The following GOLGA8S variants were observed in gnomAD, a reference collection of about 807,000 sequenced individuals.
The protein encoded by GOLGA8S is golgin subfamily A member 8S.
In GOLGA8S, 23 loss-of-function variants were observed where a neutral mutation model predicts 58.9. The observed-to-expected ratio is 0.39, with a 90% CI of 0.28 to 0.55. GOLGA8S has a LOEUF of 0.55. GOLGA8S is among the 20% of genes least tolerant of loss of function. The pLI is 0.63. For synonymous variants in GOLGA8S, 84 were observed against 195.7 expected (o/e 0.43, Z 4.76); for missense variants, 266 against 514.2 (o/e 0.52, Z 4.67).
intron 4 of GOLGA8S, among the ~76,000 whole-genome samples, chr15:23,357,847 T>A (rs949427487): frequency 3.3e-5 from 5 of 150,136 alleles, no homozygotes; most frequent in Non-Finnish European, 7.4e-5. Context: ...GAGTCCTTGC[T>A]ACACACGCCC....
downstream of GOLGA8S, chr15:23,367,257 TCG>T (rs2069937730): frequency 7.7e-6 from 1 of 129,822 alleles, no homozygotes; most frequent in Admixed American, 7.8e-5. Context: ...TTTTAAACCC[TCG>T]GGCTAGAAAT....
At chr15:23,359,389 T>TG (rs2069745804) in intron 8 of GOLGA8S, among the ~76,000 whole-genome samples, 180 bp downstream of exon 8, 1 of 145,198 alleles carries the variant, frequency 6.9e-6, no homozygotes, top group African/African-American at 2.6e-5. Flanking sequence ...TGTGGGTGAG[T>TG]TGGGGGGCAC....
rs776419229 is a variant in GOLGA8S, at chr15:23,365,066, C to G, written c.1810C>G (p.Pro604Ala). ...GATCGTGCAGGACCACCAGGAGCAC[C>G]CAGGCTTGGGCAACAACTGCTGTGT... Residue 604 changes from proline to alanine, a missense_variant, in exon 19 of 19, where the codon CCA becomes GCA. Pro to Ala is a conservative substitution (Grantham distance 27). Coordinates refer to ENST00000562295, the Ensembl canonical transcript of GOLGA8S. 10 of 1,580,542 alleles carry G rather than the reference C, an allele frequency of 6.3e-6. 2 individuals are homozygous for G. In the African/African-American group the frequency reaches 1.4e-4, roughly 22 times the overall value.
At chr15:23,364,469 G>C (rs1462612514) in intron 16 of GOLGA8S, 26 bp downstream of exon 16, 3 of 1,604,472 alleles carry the variant, frequency 1.9e-6, no homozygotes, top group Non-Finnish European at 1.7e-6. Flanking sequence ...GGGCACAGCA[G>C]GGGGAGCTAC....
chr15:23,365,857 G>C (rs546905887), downstream of GOLGA8S: 4 of 155,134 alleles, frequency 2.6e-5, no homozygotes, highest in African/African-American at 9.7e-5. Context: ...AGTGTATTAT[G>C]GTGGTTCCCT....
At chr15:23,368,293 A>T (rs1230129328), downstream of GOLGA8S, among the ~76,000 whole-genome samples, 1 of 151,916 alleles carries the variant, frequency 6.6e-6, no homozygotes, top group East Asian at 1.9e-4. Flanking sequence ...ATGCCACTGT[A>T]ATGTAATAAA....
rs1375428182 is a variant in GOLGA8S, at chr15:23,359,213, A to T, written c.591+4A>T. On this transcript the variant is annotated splice_donor_region_variant and intron_variant, in intron 8 of 18. Transcript: ENST00000562295. ...ACAGAAGAAGAAGGCGGAGAGGGTG[A>T]GTCCAACCACCTGCCCCGTCCCCTG... 1.4e-6 allele frequency: 1 copy of T among 695,276 alleles called. No homozygotes were observed. The highest frequency in any genetic ancestry group is 2.0e-5 in the Admixed American group (1 of 50,806). The allele number at this position is 695,276 out of a possible 1,614,324, so 43.1% of individuals were successfully genotyped here.
chr15:23,364,603 G>C, exon 17 of GOLGA8S: 2 of 1,523,828 alleles, frequency 1.3e-6, no homozygotes, highest in Non-Finnish European at 1.8e-6. Context: ...CATCAGGCTG[G>C]AGCTCAGGGA....
chr15:23,361,132 GT>G (rs1415303001), intron 11 of GOLGA8S, 88 bp from the exon 12 acceptor site: 2 of 907,936 alleles, frequency 2.2e-6, no homozygotes, highest in African/African-American at 2.1e-5. Flanking sequence ...CAAGAGGAGG[GT>G]TTTTTCTTTT....
In GOLGA8S at chr15:23,361,458, T is replaced by G. The variant is rs767972410; in HGVS notation, c.1110+2T>G. ...CCACAGAACAGCTTCAAGGAGCTGG[T>G]GCGTTGCCCCAGCTGGGGAGCCTGC... is the stretch of plus-strand genomic sequence containing the variant. On this transcript the variant is annotated splice_donor_variant, in intron 12 of 18. Transcript: ENST00000562295. LOFTEE classifies it high-confidence loss of function. The G allele has an allele frequency of 1.3e-6, 1 of 774,900 alleles. No homozygotes were observed. Among genetic ancestry groups the G allele is most frequent in the Non-Finnish European group, 2.3e-6 (1 of 428,986 alleles). The allele number at this position is 774,900 out of a possible 1,614,324, so 48.0% of individuals were successfully genotyped here.
chr15:23,356,329 A>C lies in GOLGA8S; in HGVS notation c.49-262A>C, dbSNP rs868141793. ...CTCTGGTTTTGGTCCCTGGCAGCTG[A>C]TGATTCTTGGTAAAACCCCAGAGTT... On this transcript the variant is annotated intron_variant, in intron 1 of 18. Transcript: ENST00000562295. Among the ~76,000 whole-genome samples, 856 of 140,054 alleles carry C rather than the reference A, an allele frequency of 6.1e-3. 5 individuals carry two copies. The highest frequency in any genetic ancestry group is 0.019 in the African/African-American group (753 of 39,906). 91.9% of individuals were successfully genotyped at this position (140,054 alleles called of 152,430 possible). A position where few individuals can be genotyped will look rare whatever the true frequency, so the allele number is the denominator to read the frequency against.
At chr15:23,368,189 G>T (rs924172784), downstream of GOLGA8S, among the ~76,000 whole-genome samples, 3 of 151,932 alleles carry the variant, frequency 2.0e-5, no homozygotes, top group Non-Finnish European at 2.9e-5. Context: ...TTGTTAGAAT[G>T]AATTTTACCA....
At chr15:23,367,658 A>C (rs1208182145), downstream of GOLGA8S, among the ~76,000 whole-genome samples, 1 of 151,878 alleles carries the variant, frequency 6.6e-6, no homozygotes, top group Non-Finnish European at 1.5e-5. Context: ...TCCAAAGTGC[A>C]TGCAGTCTTT....
intron 4 of GOLGA8S, among the ~76,000 whole-genome samples, chr15:23,357,846 C>T (rs1253662084): frequency 7.3e-5 from 11 of 150,076 alleles, no homozygotes; most frequent in Admixed American, 7.3e-4. Flanking sequence ...CGAGTCCTTG[C>T]TACACACGCC....
chr15:23,357,749 C>G (rs986400341), intron 4 of GOLGA8S, 130 bp downstream of exon 4: 1 of 552,930 alleles, frequency 1.8e-6, no homozygotes, highest in African/African-American at 2.0e-5. Context: ...GCGCCCAGGC[C>G]TCACCTGGAG....
downstream of GOLGA8S, chr15:23,366,625 T>C (rs906768549): frequency 6.6e-6 from 1 of 152,108 alleles, no homozygotes; most frequent in African/African-American, 2.4e-5. Context: ...AAGTGAAATA[T>C]GTTTTTGTAT....
At chr15:23,368,047 G>A (rs2069949071), downstream of GOLGA8S, among the ~76,000 whole-genome samples, 1 of 151,796 alleles carries the variant, frequency 6.6e-6, no homozygotes, top group Non-Finnish European at 1.5e-5. Context: ...AAATGTAACT[G>A]CTATCTTAAT....
At chr15:23,361,227 C>T (rs763755056) in exon 12 of GOLGA8S, 2 of 1,471,208 alleles carry the variant, frequency 1.4e-6, no homozygotes, top group African/African-American at 1.4e-5. Flanking sequence ...TCAGCTGAAC[C>T]TCTGCCCCCG....
At position 23,358,127 on chromosome 15, in the gene GOLGA8S, C is replaced by T. The variant is rs1027108802; in HGVS notation, c.310-345C>T. 2.0e-5 allele frequency among the ~76,000 whole-genome samples: 3 copies of T among 152,070 alleles called. No individual in the cohort carries two copies. In the East Asian group the frequency reaches 5.8e-4, roughly 29 times the overall value. On this transcript the variant is annotated intron_variant, in intron 4 of 18. Transcript: ENST00000562295. ...ATCTTCTGTGAAGAACCGTACTTGG[C>T]CCATACGTGCTCAGTAAATGTTTAT...
Sources: gnomAD v4.1 joint callset for allele counts (sites outside exome capture counted in the v4.1 genomes callset) on GRCh38, gnomAD v4.1.1 for gene constraint, MANE v1.5 for transcripts, NCBI Gene and HGNC (gene_info 2026-07-23, HGNC 2026-07-21) for gene names.